Variants in FOXJ3 observed in about 807,000 individuals in gnomAD.
The protein encoded by FOXJ3 is forkhead box protein J3.
Under a neutral mutation model 76.1 loss-of-function variants are expected in FOXJ3, and 22 were observed. The observed-to-expected ratio is 0.29, with a 90% confidence interval of 0.21 to 0.41. The LOEUF (loss-of-function observed/expected upper bound fraction) is 0.41, where lower values mean the gene tolerates loss of function less well. Among genes scored for constraint, FOXJ3 ranks in the 10% least tolerant of loss-of-function variants. The pLI is 1.00. For missense variants in FOXJ3, 613 were observed against 762.1 expected (o/e 0.80, Z 2.30); for synonymous variants, 269 against 261.2 (o/e 1.03, Z -0.29).
rs2124084236 is a variant in FOXJ3, at chr1:42,179,582, CA to C, written c.*127del. 1 of 599,294 alleles carries C rather than the reference CA, an allele frequency of 1.7e-6. No individual in the cohort carries two copies. The allele number at this position is 599,294 out of a possible 1,614,324, so 37.1% of individuals were successfully genotyped here. Reference sequence around the variant, plus strand: ...CAGCTAAAATCCTTCTGATTGTCTTCAAAAGTAATTTTGATAACATTGGTAA... The same window carrying C: ...CAGCTAAAATCCTTCTGATTGTCTTCAAAGTAATTTTGATAACATTGGTAA... On this transcript the variant is annotated 3_prime_UTR_variant, in exon 13 of 13. Coordinates refer to ENST00000361346, the MANE Select transcript of FOXJ3 (RefSeq NM_014947.5).
chr1:42,306,590 C>T (rs752025460), intron 2 of FOXJ3, among the ~76,000 whole-genome samples: 3 of 151,926 alleles, frequency 2.0e-5, no homozygotes, highest in Non-Finnish European at 2.9e-5. Context: ...GCATGAGCCA[C>T]GGTGCCCGGT....
intron 5 of FOXJ3, among the ~76,000 whole-genome samples, chr1:42,219,131 T>C (rs1007365884): frequency 6.6e-5 from 10 of 152,242 alleles, no homozygotes; most frequent in Admixed American, 1.3e-4. Context: ...AACTATGGTC[T>C]AAAAATTTTA....
intron 4 of FOXJ3, among the ~76,000 whole-genome samples, chr1:42,258,570 T>C (rs957773206): frequency 4.6e-5 from 7 of 152,202 alleles, no homozygotes; most frequent in Admixed American, 3.3e-4. Context: ...GCTTAGGTCC[T>C]TGAAATACCC....
rs1190475209 is a variant in FOXJ3 at position 42,191,410 on chromosome 1, G to A, written c.1244C>T (p.Pro415Leu). 1.2e-6 allele frequency: 2 copies of A among 1,609,628 alleles called. No homozygotes were observed. The highest frequency in any genetic ancestry group is 1.7e-6 in the Non-Finnish European group (2 of 1,176,178). ...QQHSQLQSPHPQHPSPHQHIQ... is the reference protein window; with the variant it reads ...QQHSQLQSPHLQHPSPHQHIQ... ...GTGTTGATGTGGAGAGGGATGCTGG[G>A]GGTGAGGGGACTGGAGCTGGCTGTG... The change falls in exon 9 of 13, where the codon CCC (proline) becomes CTC (leucine). Residue 415 changes from proline to leucine, a missense_variant. By Grantham distance (98) the Pro-to-Leu change is moderately conservative. Coordinates refer to ENST00000361346, the MANE Select transcript of FOXJ3 (RefSeq NM_014947.5).
chr1:42,251,289 T>C (rs1321477868), intron 4 of FOXJ3, among the ~76,000 whole-genome samples: 1 of 152,062 alleles, frequency 6.6e-6, no homozygotes, highest in Non-Finnish European at 1.5e-5. Flanking sequence ...CAATGGAACA[T>C]CTTCAAAACT....
intron 1 of FOXJ3, chr1:42,334,249 C>G (rs1416661055): frequency 3.7e-6 from 1 of 267,192 alleles, no homozygotes; most frequent in African/African-American, 2.3e-5. Flanking sequence ...CCTGTTATGT[C>G]CCCTACTGGC....
At chr1:42,293,317 C>T (rs1653567166) in intron 2 of FOXJ3, among the ~76,000 whole-genome samples, 1 of 150,644 alleles carries the variant, frequency 6.6e-6, no homozygotes, top group African/African-American at 2.4e-5. Flanking sequence ...ATTTAGAGAA[C>T]TCATATAACT....
intron 1 of FOXJ3, among the ~76,000 whole-genome samples, chr1:42,327,387 T>G (rs1655901411): frequency 1.3e-5 from 2 of 152,206 alleles, no homozygotes; most frequent in Non-Finnish European, 2.9e-5. Flanking sequence ...CCCTGATTGC[T>G]GCATGTTTGA....
At chr1:42,189,114 C>T (rs76077212) in intron 10 of FOXJ3, 186 bp from the exon 11 acceptor site, 416 of 614,632 alleles carry the variant, frequency 6.8e-4, no homozygotes, top group Non-Finnish European at 1.0e-3. Context: ...TAAATGTGGT[C>T]AAATTTCTTT....
intron 4 of FOXJ3, among the ~76,000 whole-genome samples, chr1:42,231,578 T>C (rs1648119563): frequency 6.6e-6 from 1 of 152,192 alleles, no homozygotes; most frequent in African/African-American, 2.4e-5. Flanking sequence ...AGAATGTGAA[T>C]GAACTTAATA....
At chr1:42,281,890 C>G (rs1652744321) in intron 2 of FOXJ3, among the ~76,000 whole-genome samples, 1 of 152,086 alleles carries the variant, frequency 6.6e-6, no homozygotes, top group Admixed American at 6.5e-5. Flanking sequence ...GAAACCCCGT[C>G]TCTACTAAAA....
rs1168120638 is a variant in FOXJ3 at position 42,251,706 on chromosome 1, A to ATTTTTTT, written c.444+13402_444+13408dup. 2.7e-4 allele frequency among the ~76,000 whole-genome samples: 24 copies of ATTTTTTT among 87,568 alleles called. 2 individuals are homozygous for ATTTTTTT. The highest frequency in any genetic ancestry group is 1.1e-3 in the African/African-American group (23 of 20,416). 57.4% of individuals were successfully genotyped at this position (87,568 alleles called of 152,430 possible). On this transcript the variant is annotated intron_variant, in intron 4 of 12. Transcript: ENST00000361346. ...GTGCTGCTGGATTCGGTTTGCCAGT[A>ATTTTTTT]TTTTTTTTTTTTTTTTTTTTTTTTT...
intron 5 of FOXJ3, among the ~76,000 whole-genome samples, chr1:42,217,147 G>C (rs961786410): frequency 1.3e-5 from 2 of 152,048 alleles, no homozygotes; most frequent in Non-Finnish European, 2.9e-5. Flanking sequence ...ATAACTATTA[G>C]AACAAGATAA....
At chr1:42,327,346 G>C (rs1005932167) in intron 1 of FOXJ3, among the ~76,000 whole-genome samples, 1 of 152,128 alleles carries the variant, frequency 6.6e-6, no homozygotes, top group Non-Finnish European at 1.5e-5. Flanking sequence ...GTAACAGTCT[G>C]CTCCATCCTC....
chr1:42,230,540 T>A (rs922354948), intron 4 of FOXJ3, among the ~76,000 whole-genome samples: 1 of 152,238 alleles, frequency 6.6e-6, no homozygotes, highest in African/African-American at 2.4e-5. Context: ...AAGGTAATTT[T>A]TTGTAATAAT....
intron 7 of FOXJ3, among the ~76,000 whole-genome samples, chr1:42,195,509 A>G (rs547954303): frequency 6.6e-6 from 1 of 152,358 alleles, no homozygotes; most frequent in East Asian, 1.9e-4. Context: ...TGTGATTACT[A>G]TGAGTCAGAT....
At chr1:42,269,769 T>C (rs1487576652) in intron 3 of FOXJ3, among the ~76,000 whole-genome samples, 1 of 152,156 alleles carries the variant, frequency 6.6e-6, no homozygotes, top group African/African-American at 2.4e-5. Context: ...TTCCTTACCA[T>C]CTAAAACAAA....
intron 3 of FOXJ3, among the ~76,000 whole-genome samples, chr1:42,271,468 A>G (rs530993824): frequency 6.6e-6 from 1 of 152,184 alleles, no homozygotes; most frequent in South Asian, 2.1e-4. Context: ...TTAAATTCCT[A>G]AATTTCTTTT....
chr1:42,214,830 G>A (rs1647033826), intron 5 of FOXJ3, among the ~76,000 whole-genome samples: 1 of 152,226 alleles, frequency 6.6e-6, no homozygotes, highest in South Asian at 2.1e-4. Flanking sequence ...AAAGTTGAAA[G>A]ACATAATACA....
Sources: gnomAD v4.1 joint callset for allele counts (sites outside exome capture counted in the v4.1 genomes callset) on GRCh38, gnomAD v4.1.1 for gene constraint, MANE v1.5 for transcripts, NCBI Gene and HGNC (gene_info 2026-07-23, HGNC 2026-07-21) for gene names.